Variants in ADGRL3 observed in about 807,000 individuals in gnomAD.
ADGRL3 encodes the protein adhesion G protein-coupled receptor L3, also known as calcium-independent alpha-latrotoxin receptor 3.
ADGRL3 carries 62 observed loss-of-function variants against 153.5 expected under a neutral mutation model. The observed-to-expected ratio is 0.40, with a 90% CI of 0.33 to 0.50. The LOEUF is 0.50. Among genes scored for constraint, ADGRL3 ranks in the 20% least tolerant of loss-of-function variants. The pLI, the probability that ADGRL3 is intolerant of heterozygous loss-of-function variation, is 0.47. For synonymous variants in ADGRL3, 710 were observed against 672.5 expected, an observed-to-expected ratio of 1.06 and a Z score of -0.86; for missense variants, 1,641 against 1,859.4, an observed-to-expected ratio of 0.88 and a Z score of 2.16.
chr4:61,853,113 C>G (rs796470616), intron 9 of ADGRL3, among the ~76,000 whole-genome samples: 18 of 152,066 alleles, frequency 1.2e-4, no homozygotes, highest in African/African-American at 4.3e-4. Context: ...CCGCTCCTCT[C>G]CAGGTGTGGA....
intron 4 of ADGRL3, among the ~76,000 whole-genome samples, chr4:61,534,531 A>G (rs892526873): frequency 5.9e-5 from 9 of 152,092 alleles, no homozygotes; most frequent in African/African-American, 1.7e-4. Flanking sequence ...TTTGGGGAGT[A>G]TAGTCATTTT....
intron 21 of ADGRL3, among the ~76,000 whole-genome samples, chr4:62,006,277 C>T (rs538835026): frequency 6.6e-6 from 1 of 151,806 alleles, no homozygotes; most frequent in South Asian, 2.1e-4. Flanking sequence ...CTTAGGTGAT[C>T]AGCCCGCTTT....
intron 1 of ADGRL3, among the ~76,000 whole-genome samples, chr4:61,371,175 T>C (rs959992749): frequency 2.6e-5 from 4 of 151,314 alleles, no homozygotes; most frequent in Non-Finnish European, 4.4e-5. Context: ...GGGTCTTGAC[T>C]CTTTATCCAA....
chr4:61,205,917 A>G (rs1269359652), intron 1 of ADGRL3, among the ~76,000 whole-genome samples: 1 of 152,212 alleles, frequency 6.6e-6, no homozygotes, highest in Non-Finnish European at 1.5e-5. Context: ...GAGTGTCAGC[A>G]TGGTCCAATA....
At chr4:61,250,628 G>A (rs1453179819) in intron 1 of ADGRL3, among the ~76,000 whole-genome samples, 1 of 152,136 alleles carries the variant, frequency 6.6e-6, no homozygotes, top group Non-Finnish European at 1.5e-5. Flanking sequence ...AAATTTTCCT[G>A]AAAGTGAAAT....
At chr4:61,998,558 G>A (rs555466694) in intron 21 of ADGRL3, among the ~76,000 whole-genome samples, 2 of 151,686 alleles carry the variant, frequency 1.3e-5, no homozygotes, top group South Asian at 4.2e-4. Context: ...TCCATTTAGG[G>A]CAGGTTATTC....
chr4:61,914,288 G>C (rs760061692), intron 13 of ADGRL3, among the ~76,000 whole-genome samples: 19 of 152,100 alleles, frequency 1.2e-4, no homozygotes, highest in African/African-American at 4.1e-4. Context: ...CGTGGTTTCC[G>C]TAGGGAAGGA....
At position 61,927,552 on chromosome 4, in the gene ADGRL3, G is replaced by GT. The variant is rs577313059; in HGVS notation, c.2113-7284dup. On this transcript the variant is annotated intron_variant, in intron 13 of 26. Transcript: ENST00000683033. The stretch of plus-strand genomic sequence containing the variant: ...ATAAAAGGTAGTTCAGAGATTAGTA[G>GT]TTTTATATACTTAATAATATTAAAT... Among the ~76,000 whole-genome samples, 22 of 152,080 alleles carry GT rather than the reference G, an allele frequency of 1.4e-4. No individual in the cohort carries two copies. In the East Asian group the frequency reaches 2.5e-3, roughly 17 times the overall value.
intron 6 of ADGRL3, among the ~76,000 whole-genome samples, chr4:61,690,435 A>ATT (rs199860912): frequency 2.7e-5 from 4 of 147,120 alleles, no homozygotes; most frequent in Admixed American, 2.0e-4. Flanking sequence ...ACCCTGTCTC[A>ATT]TTTTTTTTTT....
At chr4:61,640,232 GA>G (rs34449815) in intron 5 of ADGRL3, among the ~76,000 whole-genome samples, 63,062 of 150,962 alleles carry the variant, frequency 0.42, 15,998 homozygotes, top group Non-Finnish European at 0.58. Flanking sequence ...ATTTTGAATA[GA>G]AAAAAAAATG....
intron 1 of ADGRL3, among the ~76,000 whole-genome samples, chr4:61,227,001 AT>A (rs1748267670): frequency 6.9e-6 from 1 of 144,376 alleles, no homozygotes. Flanking sequence ...TTTTTTAGTA[AT>A]CTTTGCTTCG....
chr4:61,479,239 A>G (rs558194468), intron 2 of ADGRL3, among the ~76,000 whole-genome samples: 2 of 152,204 alleles, frequency 1.3e-5, no homozygotes, highest in East Asian at 1.9e-4. Context: ...ATCCCTGAGT[A>G]TAAATAAACT....
intron 4 of ADGRL3, among the ~76,000 whole-genome samples, chr4:61,564,570 GC>G (rs2098809087): frequency 6.6e-6 from 1 of 152,168 alleles, no homozygotes; most frequent in Admixed American, 6.5e-5. Flanking sequence ...AGAGCGTTTG[GC>G]CCATTTTGCT....
intron 5 of ADGRL3, among the ~76,000 whole-genome samples, chr4:61,647,185 C>A (rs1240425583): frequency 3.3e-5 from 5 of 152,062 alleles, no homozygotes; most frequent in Non-Finnish European, 5.9e-5. Context: ...TCTGGCACTC[C>A]CTAGTGAGAT....
intron 9 of ADGRL3, among the ~76,000 whole-genome samples, chr4:61,858,429 T>A (rs1331366422): frequency 6.6e-6 from 1 of 152,136 alleles, no homozygotes; most frequent in Non-Finnish European, 1.5e-5. Flanking sequence ...AAGACCAGCC[T>A]GACCAACATG....
intron 17 of ADGRL3, 59 bp from the exon 18 acceptor site, chr4:61,979,504 A>G: frequency 7.1e-7 from 1 of 1,413,854 alleles, no homozygotes; most frequent in Non-Finnish European, 1.0e-6. Context: ...AGGCCCTTAT[A>G]AAACTTTGTA....
intron 4 of ADGRL3, among the ~76,000 whole-genome samples, chr4:61,532,541 C>CGT (rs1157544943): frequency 1.7e-5 from 1 of 58,824 alleles, no homozygotes; most frequent in Non-Finnish European, 3.7e-5. Context: ...TGCGCGCGCG[C>CGT]GCGCGCGCGC....
At chr4:61,254,959 A>T (rs2091817584) in intron 1 of ADGRL3, among the ~76,000 whole-genome samples, 1 of 151,476 alleles carries the variant, frequency 6.6e-6, no homozygotes, top group African/African-American at 2.4e-5. Context: ...ATGTCTTTTA[A>T]TTTTTTTTCA....
intron 2 of ADGRL3, among the ~76,000 whole-genome samples, chr4:61,443,009 TAAAAC>T (rs1319453179): frequency 1.3e-5 from 2 of 152,150 alleles, no homozygotes; most frequent in Non-Finnish European, 2.9e-5. Context: ...CTTGGAAACA[TAAAAC>T]AGACTGTATA....
Sources: allele counts gnomAD v4.1 joint callset (sites outside exome capture counted in the v4.1 genomes callset), GRCh38; gene constraint gnomAD v4.1.1; transcripts MANE v1.5; gene names NCBI Gene and HGNC (gene_info 2026-07-23, HGNC 2026-07-21).